Variants in PCDHGA10 observed in about 807,000 individuals in gnomAD.
The protein encoded by PCDHGA10 is protocadherin gamma subfamily A, 10.
Under a neutral mutation model 59.5 loss-of-function variants are expected in PCDHGA10, and 42 were observed. The ratio of observed to expected loss-of-function variants is 0.71; its 90% confidence interval spans 0.55 to 0.91. PCDHGA10 has a LOEUF of 0.91. Among genes scored for constraint, PCDHGA10 ranks in the 40% least tolerant of loss-of-function variants. The probability of loss-of-function intolerance (pLI) is 0.00; values close to 1 mark genes in which losing one functional copy is unlikely to be tolerated. For missense variants in PCDHGA10, 1,111 were observed against 1,198.2 expected (o/e 0.93, Z 1.07); for synonymous variants, 511 against 517.2 (o/e 0.99, Z 0.16).
rs771608897 is a variant in PCDHGA10, at chr5:141,490,857, C to T, written c.2437-3950C>T. 58 of 1,613,714 alleles carry T rather than the reference C, an allele frequency of 3.6e-5. 1 individual carries two copies. The highest frequency in any genetic ancestry group is 1.8e-4 in the Admixed American group (11 of 59,992). Reference sequence around the variant, plus strand: ...AGATTGTGGTGGGGGTTCGAGACTCCGGCTCTCCCCCATTGCATGCCAACA... The same window carrying T: ...AGATTGTGGTGGGGGTTCGAGACTCTGGCTCTCCCCCATTGCATGCCAACA... On this transcript the variant is annotated intron_variant, in intron 1 of 3. Transcript: ENST00000398610. The surrounding 1 kb of genome is among the most constrained non-coding windows in gnomAD (Gnocchi z 5.4).
rs530404769 is a variant in PCDHGA10, at chr5:141,423,267, G to C, written c.2436+7656G>C. On this transcript the variant is annotated intron_variant, in intron 1 of 3. Coordinates refer to ENST00000398610, the MANE Select transcript of PCDHGA10 (RefSeq NM_018913.3). ...TCCTGGCGGACCTCGGCAGCCTCGA[G>C]TCTCTGGCTAACTCTGAAACCTCAG... The C allele has an allele frequency of 2.5e-6, 4 of 1,613,710 alleles. No individual in the cohort carries two copies. In the South Asian group the frequency reaches 4.4e-5, roughly 18 times the overall value.
At position 141,476,980 on chromosome 5, in the gene PCDHGA10, C is replaced by T; in HGVS notation, c.2437-17827C>T. 6.2e-7 allele frequency: 1 copy of T among 1,614,232 alleles called. No individual in the cohort carries two copies. Among genetic ancestry groups the T allele is most frequent in the Non-Finnish European group, 8.5e-7 (1 of 1,180,044 alleles). On this transcript the variant is annotated intron_variant, in intron 1 of 3. Coordinates refer to ENST00000398610, the MANE Select transcript of PCDHGA10 (RefSeq NM_018913.3). This position sits in a 1 kb window ranked among gnomAD's most constrained non-coding sequence, Gnocchi z 7.6. Reference sequence around the variant, plus strand: ...TTTACTCCTTCGGCAGCCACAACCGCGCCGGCGTGCGGCAACTATTCGCCT... The same window carrying T: ...TTTACTCCTTCGGCAGCCACAACCGTGCCGGCGTGCGGCAACTATTCGCCT...
chr5:141,478,692 A>C (rs1459911657), intron 1 of PCDHGA10: 2 of 1,550,666 alleles, frequency 1.3e-6, no homozygotes, highest in African/African-American at 2.7e-5. Context: ...CCTAGATCAA[A>C]GTTAGTGCCT....
intron 1 of PCDHGA10, among the ~76,000 whole-genome samples, chr5:141,443,756 A>G (rs1234457212): frequency 6.6e-6 from 1 of 152,232 alleles, no homozygotes; most frequent in Non-Finnish European, 1.5e-5. Flanking sequence ...TTGGAAGCTT[A>G]CAATATACAA....
intron 1 of PCDHGA10, among the ~76,000 whole-genome samples, chr5:141,465,104 T>A (rs1044128193): frequency 1.3e-5 from 2 of 151,862 alleles, no homozygotes; most frequent in East Asian, 3.9e-4. Context: ...GTTTTTTTTT[T>A]AAGTGTTTTA....
intron 1 of PCDHGA10, chr5:141,428,217 C>A: frequency 8.3e-7 from 1 of 1,211,998 alleles, no homozygotes; most frequent in Non-Finnish European, 1.2e-6. Context: ...TTCACCTAGT[C>A]TTCGCAGACA....
At chr5:141,504,206 A>G (rs1209911822) in intron 2 of PCDHGA10, among the ~76,000 whole-genome samples, 1 of 152,218 alleles carries the variant, frequency 6.6e-6, no homozygotes, top group African/African-American at 2.4e-5. Flanking sequence ...CTGTGGGAAA[A>G]TTCCAAGTAG....
intron 1 of PCDHGA10, chr5:141,417,676 C>A (rs902104404): frequency 4.0e-6 from 4 of 993,448 alleles, no homozygotes; most frequent in Middle Eastern, 3.3e-4. Flanking sequence ...GCGCAGCCAA[C>A]AACAGAAAAG....
intron 1 of PCDHGA10, among the ~76,000 whole-genome samples, chr5:141,451,703 A>G (rs975120935): frequency 6.6e-6 from 1 of 152,144 alleles, no homozygotes; most frequent in Non-Finnish European, 1.5e-5. Flanking sequence ...GTAACATGAC[A>G]AAACCCTGCC....
intron 1 of PCDHGA10, chr5:141,416,537 G>T (rs2096038948): frequency 6.6e-6 from 1 of 152,082 alleles, no homozygotes; most frequent in Admixed American, 6.6e-5. Context: ...AATGTATAAG[G>T]AGGCAAACAC....
chr5:141,413,082 A>C lies in PCDHGA10; in HGVS notation c.-94A>C. On this transcript the variant is annotated 5_prime_UTR_variant, in exon 1 of 4. Coordinates refer to ENST00000398610, the MANE Select transcript of PCDHGA10 (RefSeq NM_018913.3). ...CCAGAATTTAAAGTGCCCAGGCTAC[A>C]GAGACACCCTGAAGCCACAGAAAGA... 5 of 1,344,442 alleles carry C rather than the reference A, an allele frequency of 3.7e-6. No individual in the cohort carries two copies. Among genetic ancestry groups the C allele is most frequent in the Non-Finnish European group, 5.1e-6 (5 of 987,850 alleles). The allele number at this position is 1,344,442 out of a possible 1,614,324, so 83.3% of individuals were successfully genotyped here.
rs764843194 is a variant in PCDHGA10 at position 141,490,530 on chromosome 5, T to A, written c.2437-4277T>A. 1.2e-6 allele frequency: 2 copies of A among 1,613,794 alleles called. No individual in the cohort carries two copies. Among genetic ancestry groups the A allele is most frequent in the African/African-American group, 2.7e-5 (2 of 74,846 alleles). ...TCGAGCTGCTGGCCAGCGATGCTGG[T>A]TCACCTTCCCTACACAAACATCTCA... On this transcript the variant is annotated intron_variant, in intron 1 of 3. Coordinates refer to ENST00000398610, the MANE Select transcript of PCDHGA10 (RefSeq NM_018913.3). This position sits in a 1 kb window ranked among gnomAD's most constrained non-coding sequence, Gnocchi z 5.4.
At position 141,477,938 on chromosome 5, in the gene PCDHGA10, T is replaced by C. The variant is rs1441443411; in HGVS notation, c.2437-16869T>C. The stretch of plus-strand genomic sequence containing the variant: ...TGCAGGGCACAATGCCTGGCTCTCC[T>C]ACAGTCTCTTGGGATCCCCTAACCA... On this transcript the variant is annotated intron_variant, in intron 1 of 3. Transcript: ENST00000398610. The surrounding 1 kb of genome is among the most constrained non-coding windows in gnomAD (Gnocchi z 4.9). The C allele has an allele frequency of 3.1e-6, 5 of 1,614,036 alleles. No homozygotes were observed. The highest frequency in any genetic ancestry group is 4.2e-6 in the Non-Finnish European group (5 of 1,180,030).
chr5:141,430,957 C>T (rs771551541), intron 1 of PCDHGA10: 42 of 1,611,532 alleles, frequency 2.6e-5, no homozygotes, highest in Middle Eastern at 3.3e-4. Context: ...GAGTCCGCAT[C>T]ATCCCCAGAG....
rs2099735960 is a variant in PCDHGA10 at position 141,491,997 on chromosome 5, G to A, written c.2437-2810G>A. On this transcript the variant is annotated intron_variant, in intron 1 of 3. Transcript: ENST00000398610. The surrounding 1 kb of genome is among the most constrained non-coding windows in gnomAD (Gnocchi z 6.9). ...CCTTCGAGCTTCCGGTGAATTTCGG[G>A]CGATTTCCGCGGGTGTCGGGGGTCC... The A allele has an allele frequency of 1.5e-6, 1 of 671,074 alleles. No homozygotes were observed. The allele number at this position is 671,074 out of a possible 1,614,324, so 41.6% of individuals were successfully genotyped here.
intron 1 of PCDHGA10, chr5:141,427,795 C>A: frequency 6.7e-7 from 1 of 1,499,260 alleles, no homozygotes; most frequent in Non-Finnish European, 9.2e-7. Context: ...TCCTACGTGT[C>A]CGTGAGCGCA....
At chr5:141,503,396 A>G (rs1025780031) in intron 2 of PCDHGA10, among the ~76,000 whole-genome samples, 2 of 151,944 alleles carry the variant, frequency 1.3e-5, no homozygotes, top group African/African-American at 2.4e-5. Flanking sequence ...GGAGTTCGAA[A>G]CCAACCTGGC....
chr5:141,434,768 T>C (rs6580188), intron 1 of PCDHGA10, among the ~76,000 whole-genome samples: 81,499 of 151,296 alleles, frequency 0.54, 23,977 homozygotes, highest in African/African-American at 0.79. Context: ...CACTTCACAC[T>C]TCTAAAAAAA....
At chr5:141,443,538 G>A (rs768723399) in intron 1 of PCDHGA10, among the ~76,000 whole-genome samples, 2 of 152,118 alleles carry the variant, frequency 1.3e-5, no homozygotes, top group African/African-American at 4.8e-5. Flanking sequence ...TTTAAAGCTT[G>A]GGAAATTGTT....
Sources: allele counts gnomAD v4.1 joint callset (sites outside exome capture counted in the v4.1 genomes callset), GRCh38; gene constraint gnomAD v4.1.1; non-coding constraint Gnocchi (gnomAD v3.1); transcripts MANE v1.5; gene names NCBI Gene and HGNC (gene_info 2026-07-23, HGNC 2026-07-21).